The following SHISA9 variants were observed in gnomAD, a reference collection of about 807,000 sequenced individuals.
SHISA9 encodes the protein protein shisa-9.
Under a neutral mutation model 38.0 loss-of-function variants are expected in SHISA9, and 13 were observed. That is an observed-to-expected ratio of 0.34 (90% CI 0.22 to 0.54). The LOEUF (loss-of-function observed/expected upper bound fraction) is 0.54, where lower values mean the gene tolerates loss of function less well. Among genes scored for constraint, SHISA9 ranks in the 20% least tolerant of loss-of-function variants. The pLI, the probability that SHISA9 is intolerant of heterozygous loss-of-function variation, is 0.91. For missense variants in SHISA9, 538 were observed against 575.8 expected, an observed-to-expected ratio of 0.93 and a Z score of 0.67; for synonymous variants, 275 against 242.0, an observed-to-expected ratio of 1.14 and a Z score of -1.27.
intron 3 of SHISA9, chr16:13,204,996 G>A (rs1424856826): frequency 1.3e-5 from 2 of 152,194 alleles, no homozygotes; most frequent in Non-Finnish European, 2.9e-5. Flanking sequence ...CTATTGGATA[G>A]AAGCAACAGT....
chr16:13,523,152 A>G, the SHISA9 span, among the ~76,000 whole-genome samples: 1 of 152,196 alleles, frequency 6.6e-6, no homozygotes, highest in African/African-American at 2.4e-5. Flanking sequence ...GTTTGAGACC[A>G]GACTGGCCAA....
the SHISA9 span, among the ~76,000 whole-genome samples, chr16:13,398,657 C>A: frequency 1.3e-5 from 2 of 151,924 alleles, no homozygotes; most frequent in East Asian, 1.9e-4. Flanking sequence ...ATTACAAGCA[C>A]CTGCCACCAC....
intron 2 of SHISA9, among the ~76,000 whole-genome samples, chr16:13,067,300 G>A (rs2073446853): frequency 6.6e-6 from 1 of 152,204 alleles, no homozygotes; most frequent in African/African-American, 2.4e-5. Flanking sequence ...AACCTAGATG[G>A]GAAGTGGCTT....
intron 2 of SHISA9, among the ~76,000 whole-genome samples, chr16:12,970,827 G>T (rs1038026412): frequency 5.9e-5 from 9 of 151,800 alleles, no homozygotes; most frequent in Non-Finnish European, 1.2e-4. Flanking sequence ...CCTGGCCGGG[G>T]CATATGTTTT....
chr16:13,388,093 A>G, the SHISA9 span, among the ~76,000 whole-genome samples: 6 of 152,150 alleles, frequency 3.9e-5, no homozygotes, highest in African/African-American at 9.7e-5. Context: ...TGGGAGCTCT[A>G]TATCCTACAA....
At chr16:13,157,158 A>G (rs183517315) in intron 2 of SHISA9, among the ~76,000 whole-genome samples, 1 of 152,166 alleles carries the variant, frequency 6.6e-6, no homozygotes, top group East Asian at 1.9e-4. Context: ...TCATCCGTCC[A>G]TCCCCCCATC....
At chr16:13,130,058 T>C (rs887753886) in intron 2 of SHISA9, among the ~76,000 whole-genome samples, 1 of 152,206 alleles carries the variant, frequency 6.6e-6, no homozygotes, top group Non-Finnish European at 1.5e-5. Context: ...AGAACTTTCA[T>C]GTATTGAAAT....
chr16:13,353,499 T>C, the SHISA9 span, among the ~76,000 whole-genome samples: 4 of 151,684 alleles, frequency 2.6e-5, no homozygotes, highest in East Asian at 7.7e-4. Flanking sequence ...AAACCTGCAG[T>C]GTAAACAAGA....
the SHISA9 span, among the ~76,000 whole-genome samples, chr16:13,252,811 C>T: frequency 6.6e-6 from 1 of 152,142 alleles, no homozygotes; most frequent in Non-Finnish European, 1.5e-5. Flanking sequence ...GTACCTGGAA[C>T]ATAGGCATTC....
chr16:13,205,507 C>T (rs2142057706), intron 3 of SHISA9, among the ~76,000 whole-genome samples: 1 of 152,316 alleles, frequency 6.6e-6, no homozygotes, highest in South Asian at 2.1e-4. Context: ...CAAATCCTGG[C>T]TCTACTGCTT....
At chr16:13,107,455 C>CA (rs1019880707) in intron 2 of SHISA9, among the ~76,000 whole-genome samples, 6 of 140,582 alleles carry the variant, frequency 4.3e-5, no homozygotes, top group South Asian at 2.3e-4. Flanking sequence ...AACAAACAAA[C>CA]AAACAAAAAA....
intron 1 of SHISA9, 56 bp from the exon 2 acceptor site, chr16:12,916,632 G>T: frequency 1.3e-6 from 2 of 1,529,102 alleles, no homozygotes; most frequent in Non-Finnish European, 1.8e-6. Context: ...TCGGCGCATA[G>T]CAGCTGCCAG....
At chr16:13,326,915 G>A in the SHISA9 span, among the ~76,000 whole-genome samples, 7 of 152,120 alleles carry the variant, frequency 4.6e-5, no homozygotes, top group African/African-American at 1.7e-4. Context: ...CTTATTATCA[G>A]TAACTCAGTG....
chr16:13,419,495 A>G, the SHISA9 span, among the ~76,000 whole-genome samples: 1 of 152,230 alleles, frequency 6.6e-6, no homozygotes, highest in Non-Finnish European at 1.5e-5. Flanking sequence ...AAGCATTTTT[A>G]GTTTTTAAAC....
the SHISA9 span, among the ~76,000 whole-genome samples, chr16:13,485,092 G>A: frequency 6.6e-6 from 1 of 151,750 alleles, no homozygotes; most frequent in East Asian, 1.9e-4. Context: ...TGTTACATAG[G>A]TATGAATGTG....
the SHISA9 span, among the ~76,000 whole-genome samples, chr16:13,315,976 T>A: frequency 1.6e-4 from 24 of 152,096 alleles, no homozygotes; most frequent in Non-Finnish European, 2.9e-4. Context: ...CATTTGTAGG[T>A]TAGAGTAAAT....
chr16:13,437,246 C>CATGGTTACTGTAAGATGAT, the SHISA9 span, among the ~76,000 whole-genome samples: 10 of 151,988 alleles, frequency 6.6e-5, no homozygotes, highest in Non-Finnish European at 1.2e-4. Flanking sequence ...GATTGGTTGC[C>CATGGTTACTGTAAGATGAT]ATGGTTACTG....
intron 2 of SHISA9, among the ~76,000 whole-genome samples, chr16:13,145,559 G>C (rs2050440305): frequency 6.6e-6 from 1 of 152,122 alleles, no homozygotes. Context: ...AGGTAGTTGT[G>C]TGGCTGCGTG....
intron 2 of SHISA9, among the ~76,000 whole-genome samples, chr16:13,151,849 T>G (rs928702704): frequency 1.3e-5 from 2 of 152,182 alleles, no homozygotes; most frequent in African/African-American, 2.4e-5. Flanking sequence ...TCTCAGGAAT[T>G]TATTCTTAGG....
Sources: gnomAD v4.1 joint callset for allele counts (sites outside exome capture counted in the v4.1 genomes callset) on GRCh38, gnomAD v4.1.1 for gene constraint, MANE v1.5 for transcripts, NCBI Gene and HGNC (gene_info 2026-07-23, HGNC 2026-07-21) for gene names.